The following ASIP variants were observed in gnomAD, a reference collection of about 807,000 sequenced individuals.
The protein encoded by ASIP is agouti signaling protein, also known as agouti-signaling protein.
A neutral mutation model predicts 10.3 loss-of-function variants in ASIP; 11 were observed. That is an observed-to-expected ratio of 1.07 (90% CI 0.68 to 1.78). ASIP has a LOEUF of 1.78. ASIP is among the 40% of genes most tolerant of loss of function. ASIP has a pLI of 0.00. For missense variants in ASIP, 180 were observed against 169.2 expected, an observed-to-expected ratio of 1.06 and a Z score of -0.35; for synonymous variants, 70 against 70.8, an observed-to-expected ratio of 0.99 and a Z score of 0.06.
At chr20:34,196,023 T>G (rs373881638) in intron 1 of ASIP, among the ~76,000 whole-genome samples, 1 of 152,120 alleles carries the variant, frequency 6.6e-6, no homozygotes, top group Non-Finnish European at 1.5e-5. Flanking sequence ...GGTTCCACTA[T>G]GAGTGTTTCT....
chr20:34,226,639 C>A (rs1285180075), intron 1 of ASIP, among the ~76,000 whole-genome samples: 1 of 152,168 alleles, frequency 6.6e-6, no homozygotes, highest in African/African-American at 2.4e-5. Flanking sequence ...TAGGAATGAG[C>A]CACTGCACTC....
chr20:34,247,420 C>A (rs2035397358), intron 1 of ASIP, among the ~76,000 whole-genome samples: 1 of 151,530 alleles, frequency 6.6e-6, no homozygotes, highest in African/African-American at 2.4e-5. Flanking sequence ...CCTGCCTCAG[C>A]CTCCCGAGTA....
chr20:34,202,156 CTATCT>C (rs1234940915), intron 1 of ASIP, among the ~76,000 whole-genome samples: 1 of 151,516 alleles, frequency 6.6e-6, no homozygotes, highest in Admixed American at 6.6e-5. Context: ...TAAAGATATT[CTATCT>C]TATATCTTCT....
At chr20:34,250,310 T>C (rs759420047) in intron 1 of ASIP, among the ~76,000 whole-genome samples, 4 of 152,206 alleles carry the variant, frequency 2.6e-5, no homozygotes, top group Non-Finnish European at 4.4e-5. Context: ...GCTGACACTG[T>C]TCACTGTCTT....
At chr20:34,186,801 TTTTTG>T in the ASIP span, among the ~76,000 whole-genome samples, 1 of 151,930 alleles carries the variant, frequency 6.6e-6, no homozygotes, top group African/African-American at 2.4e-5. Context: ...CAGTAGGTTG[TTTTTG>T]TTTTGTTTTG....
the ASIP span, among the ~76,000 whole-genome samples, chr20:34,189,477 T>C: frequency 1.3e-5 from 2 of 151,900 alleles, no homozygotes; most frequent in Non-Finnish European, 2.9e-5. Context: ...CCCAACCTCA[T>C]GTGATCCGCC....
At chr20:34,214,983 C>T (rs1376454249) in intron 1 of ASIP, 7 of 1,402,938 alleles carry the variant, frequency 5.0e-6, no homozygotes, top group Admixed American at 1.7e-5. Context: ...TTCCGTTTAC[C>T]GGCTTAGAAA....
intron 1 of ASIP, among the ~76,000 whole-genome samples, chr20:34,258,713 ATATATTATAAAATATATATAG>A (rs2035626733): frequency 1.3e-5 from 1 of 74,466 alleles, no homozygotes; most frequent in East Asian, 3.8e-4. Context: ...TATATATTAT[ATATATTATAAAATATATATAG>A]TATATATATA....
intron 2 of ASIP, among the ~76,000 whole-genome samples, chr20:34,262,536 T>A (rs1454119702): frequency 6.6e-6 from 1 of 152,166 alleles, no homozygotes; most frequent in African/African-American, 2.4e-5. Context: ...TGGCCCAAGC[T>A]CACTTAGGTC....
At chr20:34,196,002 T>C (rs2034853057) in intron 1 of ASIP, among the ~76,000 whole-genome samples, 1 of 152,042 alleles carries the variant, frequency 6.6e-6, no homozygotes, top group Non-Finnish European at 1.5e-5. Context: ...ACATAAAACT[T>C]GCCATATCTT....
the ASIP span, among the ~76,000 whole-genome samples, chr20:34,189,524 G>T: frequency 2.6e-5 from 4 of 152,136 alleles, no homozygotes; most frequent in African/African-American, 9.7e-5. Flanking sequence ...TTACAGGCAT[G>T]AGCCACCACA....
chr20:34,235,860 GGAAGGA>G (rs2035185944), intron 1 of ASIP, among the ~76,000 whole-genome samples: 1 of 32,100 alleles, frequency 3.1e-5, no homozygotes, highest in African/African-American at 5.5e-4. Flanking sequence ...AAGGAAGGAA[GGAAGGA>G]AAGGAAGGAA....
intron 1 of ASIP, among the ~76,000 whole-genome samples, chr20:34,221,116 C>T (rs571925695): frequency 2.0e-5 from 3 of 152,126 alleles, no homozygotes; most frequent in African/African-American, 4.8e-5. Flanking sequence ...CGATGGCTCA[C>T]GCCTGTAATC....
In ASIP at chr20:34,246,202, C is replaced by T; in HGVS notation, c.-11+4713C>T. 5 of 1,430,976 alleles carry T rather than the reference C, an allele frequency of 3.5e-6. No homozygotes were observed. In the South Asian group the frequency reaches 5.1e-5, roughly 15 times the overall value. The allele number at this position is 1,430,976 out of a possible 1,614,324, so 88.6% of individuals were successfully genotyped here. ...CTCTAGGAATTTTGGCCTTAGTAAG[C>T]TTTTGTGGTATGGTCTTCTTTTTTT... On this transcript the variant is annotated intron_variant, in intron 1 of 3. Coordinates refer to ENST00000374954, the MANE Select transcript of ASIP (RefSeq NM_001672.3).
At chr20:34,210,978 G>T (rs964088540) in intron 1 of ASIP, among the ~76,000 whole-genome samples, 1 of 152,082 alleles carries the variant, frequency 6.6e-6, no homozygotes, top group African/African-American at 2.4e-5. Context: ...ATTTTTACAT[G>T]TATATTATTT....
At chr20:34,230,742 C>T (rs2035116219) in intron 1 of ASIP, among the ~76,000 whole-genome samples, 1 of 43,812 alleles carries the variant, frequency 2.3e-5, no homozygotes, top group Admixed American at 2.1e-4. Context: ...ACCTCCCTCC[C>T]GGATGGGGCG....
intron 1 of ASIP, among the ~76,000 whole-genome samples, chr20:34,235,866 A>AAGGAAGGAAAGGAAGG (rs1349467682): frequency 8.1e-5 from 3 of 36,864 alleles, no homozygotes; most frequent in Non-Finnish European, 1.2e-4. Context: ...GGAAGGAAGG[A>AAGGAAGGAAAGGAAGG]AAGGAAGGAA....
intron 1 of ASIP, among the ~76,000 whole-genome samples, chr20:34,260,106 G>A (rs151025731): frequency 4.2e-4 from 64 of 151,682 alleles, no homozygotes; most frequent in Non-Finnish European, 6.5e-4. Context: ...GCAGAGACCA[G>A]TGCAATGCAT....
At chr20:34,268,513 AAG>A (rs2035827833) in intron 3 of ASIP, among the ~76,000 whole-genome samples, 1 of 152,218 alleles carries the variant, frequency 6.6e-6, no homozygotes, top group South Asian at 2.1e-4. Flanking sequence ...ACTTTAGCTC[AAG>A]AGTTTGAGAC....
Sources: allele counts gnomAD v4.1 joint callset (sites outside exome capture counted in the v4.1 genomes callset), GRCh38; gene constraint gnomAD v4.1.1; transcripts MANE v1.5; gene names NCBI Gene and HGNC (gene_info 2026-07-23, HGNC 2026-07-21).